TANC1: variants seen among roughly 807,000 people sequenced by gnomAD.
TANC1 encodes the protein tetratricopeptide repeat, ankyrin repeat and coiled-coil containing 1.
TANC1 carries 77 observed loss-of-function variants against 149.7 expected under a neutral mutation model. The ratio of observed to expected loss-of-function variants is 0.51; its 90% CI spans 0.43 to 0.62. TANC1 has a LOEUF of 0.62. TANC1 is among the 20% of genes least tolerant of loss of function. The probability of loss-of-function intolerance (pLI) is 0.00; values close to 1 mark genes in which losing one functional copy is unlikely to be tolerated. For missense variants in TANC1, 1,985 were observed against 2,321.8 expected, an observed-to-expected ratio of 0.85 and a Z score of 2.98; for synonymous variants, 854 against 925.0, an observed-to-expected ratio of 0.92 and a Z score of 1.39.
At chr2:158,976,330 C>A (rs1018188541) in intron 1 of TANC1, among the ~76,000 whole-genome samples, 1 of 152,114 alleles carries the variant, frequency 6.6e-6, no homozygotes, top group African/African-American at 2.4e-5. Context: ...AAGACTGGGC[C>A]TTTTACAACC....
intron 2 of TANC1, among the ~76,000 whole-genome samples, chr2:159,039,446 G>T (rs977080440): frequency 2.6e-5 from 4 of 151,860 alleles, no homozygotes; most frequent in African/African-American, 9.7e-5. Context: ...GTGATGTTAG[G>T]GTGTCAATTT....
intron 2 of TANC1, among the ~76,000 whole-genome samples, chr2:159,041,260 A>G (rs2040607124): frequency 1.3e-5 from 2 of 152,304 alleles, no homozygotes; most frequent in South Asian, 2.1e-4. Context: ...TGAGGAGGCA[A>G]TCTGTCCATT....
chr2:159,156,978 A>G (rs2053510139), intron 7 of TANC1, among the ~76,000 whole-genome samples: 1 of 152,228 alleles, frequency 6.6e-6, no homozygotes, highest in Admixed American at 6.5e-5. Context: ...GCCTTGCTGC[A>G]TGTCATAGCA....
intron 2 of TANC1, among the ~76,000 whole-genome samples, chr2:159,014,371 T>C (rs1225046670): frequency 4.6e-5 from 7 of 152,168 alleles, no homozygotes; most frequent in Non-Finnish European, 1.0e-4. Flanking sequence ...GAGAACAGTA[T>C]GGGGGAAACT....
At chr2:159,062,103 T>C (rs556081573) in intron 2 of TANC1, among the ~76,000 whole-genome samples, 10 of 152,118 alleles carry the variant, frequency 6.6e-5, no homozygotes, top group Admixed American at 1.3e-4. Context: ...CTGGGTGTGG[T>C]GGTGGGTGCC....
chr2:159,069,892 C>T (rs1175958543), intron 3 of TANC1, among the ~76,000 whole-genome samples: 3 of 151,360 alleles, frequency 2.0e-5, no homozygotes, highest in African/African-American at 7.3e-5. Context: ...CCTCAGCCTC[C>T]TGAGTAGCCA....
At chr2:159,076,525 C>T (rs1432604837) in intron 3 of TANC1, among the ~76,000 whole-genome samples, 1 of 152,194 alleles carries the variant, frequency 6.6e-6, no homozygotes, top group East Asian at 1.9e-4. Context: ...AAGCCTGACT[C>T]CTGGTAAGTT....
intron 4 of TANC1, among the ~76,000 whole-genome samples, chr2:159,123,266 G>T (rs950512496): frequency 6.6e-6 from 1 of 152,110 alleles, no homozygotes; most frequent in African/African-American, 2.4e-5. Context: ...TCTGTATAGG[G>T]CGAAGGGTGG....
chr2:159,189,975 A>G (rs2057316545), intron 16 of TANC1, among the ~76,000 whole-genome samples: 1 of 152,260 alleles, frequency 6.6e-6, no homozygotes, highest in Admixed American at 6.5e-5. Flanking sequence ...TGTTATTCCC[A>G]GAAGCAGAGG....
rs1399474618 is a variant in TANC1 at position 159,032,182 on chromosome 2, CT to C, written c.-16+30996del. The stretch of plus-strand genomic sequence containing the variant: ...AAGAAGTTTATAATCTGGTGAGGAG[CT>C]TTACTCACAGATACCGTAAGAAAAG... On this transcript the variant is annotated intron_variant, in intron 2 of 26. Coordinates refer to ENST00000263635, the MANE Select transcript of TANC1 (RefSeq NM_033394.3). Among the ~76,000 whole-genome samples, 5 of 152,246 alleles carry C rather than the reference CT, an allele frequency of 3.3e-5. 1 individual carries two copies. The highest frequency in any genetic ancestry group is 1.2e-4 in the African/African-American group (5 of 41,544).
chr2:158,985,676 C>G (rs1371544493), intron 1 of TANC1, among the ~76,000 whole-genome samples: 2 of 152,008 alleles, frequency 1.3e-5, no homozygotes, highest in African/African-American at 2.4e-5. Flanking sequence ...CAGAGTCTCG[C>G]TTTGTTGCCC....
intron 3 of TANC1, among the ~76,000 whole-genome samples, chr2:159,097,027 A>G (rs1267123000): frequency 1.3e-5 from 2 of 152,154 alleles, no homozygotes; most frequent in Non-Finnish European, 2.9e-5. Flanking sequence ...GTGGAGTGTC[A>G]AGCGGAAGCT....
intron 1 of TANC1, among the ~76,000 whole-genome samples, chr2:158,979,684 G>A (rs1235648586): frequency 6.6e-6 from 1 of 152,058 alleles, no homozygotes; most frequent in Non-Finnish European, 1.5e-5. Context: ...ATGAGTCTTT[G>A]GAAAGGGTTA....
At chr2:159,068,896 C>T (rs183670705) in intron 3 of TANC1, among the ~76,000 whole-genome samples, 3 of 152,244 alleles carry the variant, frequency 2.0e-5, no homozygotes, top group African/African-American at 2.4e-5. Context: ...CGTGCCACCA[C>T]GCCTGGCTAA....
chr2:159,170,832 A>G, intron 10 of TANC1, 27 bp downstream of exon 10: 1 of 1,606,244 alleles, frequency 6.2e-7, no homozygotes, highest in Non-Finnish European at 8.5e-7. Context: ...TTACTTGTCT[A>G]GTTTATTAAC....
chr2:159,131,487 G>T (rs569648409), intron 4 of TANC1, among the ~76,000 whole-genome samples: 1 of 152,076 alleles, frequency 6.6e-6, no homozygotes, highest in South Asian at 2.1e-4. Flanking sequence ...CTCTGGCCCG[G>T]GCTGAGCCCT....
chr2:159,011,084 A>G (rs1011035166), intron 2 of TANC1, among the ~76,000 whole-genome samples: 8 of 152,150 alleles, frequency 5.3e-5, no homozygotes, highest in Non-Finnish European at 1.2e-4. Flanking sequence ...AATCACACCT[A>G]TGAGTTTAGG....
intron 3 of TANC1, among the ~76,000 whole-genome samples, chr2:159,071,685 G>T (rs1424990566): frequency 2.0e-5 from 3 of 152,164 alleles, no homozygotes; most frequent in Non-Finnish European, 4.4e-5. Context: ...CAATACAAAT[G>T]ATGCTTTGTT....
chr2:159,149,709 G>A (rs1394496919), intron 6 of TANC1: 1 of 198,746 alleles, frequency 5.0e-6, no homozygotes, highest in Non-Finnish European at 1.0e-5. Context: ...GACAAAATAA[G>A]ATGAGATCAA....
Sources: allele counts gnomAD v4.1 joint callset (sites outside exome capture counted in the v4.1 genomes callset), GRCh38; gene constraint gnomAD v4.1.1; transcripts MANE v1.5; gene names NCBI Gene and HGNC (gene_info 2026-07-23, HGNC 2026-07-21).